The following SH3TC1 variants were observed in gnomAD, a reference collection of about 807,000 sequenced individuals.
SH3TC1 encodes the protein SH3 domain and tetratricopeptide repeats 1, also known as SH3 domain and tetratricopeptide repeat-containing protein 1.
In SH3TC1, 135 loss-of-function variants were observed where a neutral mutation model predicts 117.3. That is an observed-to-expected ratio of 1.15 (90% CI 1.00 to 1.33). The LOEUF is 1.33. SH3TC1 is among the 40% of genes most tolerant of loss of function. The pLI, the probability that SH3TC1 is intolerant of heterozygous loss-of-function variation, is 0.00. For synonymous variants in SH3TC1, 898 were observed against 816.9 expected (o/e 1.10, Z -1.69); for missense variants, 2,092 against 1,794.3 (o/e 1.17, Z -3.00).
intron 6 of SH3TC1, 97 bp downstream of exon 6, chr4:8,216,354 G>A: frequency 6.7e-7 from 1 of 1,499,250 alleles, no homozygotes; most frequent in Non-Finnish European, 8.9e-7. Context: ...GAGCATGTCT[G>A]GGGCTGTGGG....
At chr4:8,218,705 C>G (rs1255289956) in intron 8 of SH3TC1, among the ~76,000 whole-genome samples, 5 of 152,260 alleles carry the variant, frequency 3.3e-5, no homozygotes, top group Non-Finnish European at 5.9e-5. Context: ...GTCTAGCCTT[C>G]TGTCACCATG....
chr4:8,214,038 T>C (rs1718987218), intron 4 of SH3TC1, among the ~76,000 whole-genome samples: 1 of 152,012 alleles, frequency 6.6e-6, no homozygotes, highest in South Asian at 2.1e-4. Flanking sequence ...CACTGATTAA[T>C]AGAAATCAGA....
intron 9 of SH3TC1, among the ~76,000 whole-genome samples, chr4:8,219,800 T>C (rs1177612186): frequency 6.6e-6 from 1 of 152,236 alleles, no homozygotes; most frequent in East Asian, 1.9e-4. Flanking sequence ...GCTACCGTGA[T>C]AAGGCACTGC....
chr4:8,199,126 G>A (rs972666142), upstream of SH3TC1, among the ~76,000 whole-genome samples: 2 of 152,220 alleles, frequency 1.3e-5, no homozygotes, highest in Admixed American at 6.5e-5. Context: ...CCTGGACCTC[G>A]TCCAGGAAAG....
intron 9 of SH3TC1, 117 bp from the exon 10 acceptor site, chr4:8,222,723 C>T: frequency 7.8e-7 from 1 of 1,282,724 alleles, no homozygotes; most frequent in Non-Finnish European, 1.1e-6. Flanking sequence ...TACCCCTGGG[C>T]AGAGAGTAGT....
chr4:8,184,252 G>A (rs1717162013), intron 1 of SH3TC1, among the ~76,000 whole-genome samples: 1 of 152,202 alleles, frequency 6.6e-6, no homozygotes, highest in Admixed American at 6.5e-5. Flanking sequence ...CCAGCAATCT[G>A]TAACCGCCCA....
intron 7 of SH3TC1, among the ~76,000 whole-genome samples, chr4:8,217,738 T>C (rs1479650797): frequency 6.6e-6 from 1 of 152,244 alleles, no homozygotes; most frequent in Non-Finnish European, 1.5e-5. Context: ...CTATGTGCTC[T>C]GGCCAGTGGT....
intron 4 of SH3TC1, 89 bp downstream of exon 4, chr4:8,212,917 C>T: frequency 6.9e-7 from 1 of 1,445,006 alleles, no homozygotes; most frequent in Non-Finnish European, 9.2e-7. Flanking sequence ...ACTGGGGACA[C>T]AGGAGGCAGG....
In SH3TC1 at chr4:8,183,480, G is replaced by A. The variant is rs1398182550; in HGVS notation, c.-57+1270G>A. Among the ~76,000 whole-genome samples the A allele has an allele frequency of 2.0e-5, 3 of 152,204 alleles. No individual in the cohort carries two copies. The highest frequency in any genetic ancestry group is 2.1e-4 in the South Asian group (1 of 4,826). ...CGGGCTGGCCTGAGGCCCATGGCAA[G>A]CAGCCCCACCCAAGCAGGCGGCTCC... On this transcript the variant is annotated intron_variant, in intron 1 of 16. Coordinates refer to the SH3TC1 transcript ENST00000508641. This position sits in a 1 kb window ranked among gnomAD's most constrained non-coding sequence, Gnocchi z 5.4.
At chr4:8,233,593 G>C in intron 14 of SH3TC1, 80 bp downstream of exon 14, 2 of 1,453,654 alleles carry the variant, frequency 1.4e-6, no homozygotes, top group Non-Finnish European at 1.8e-6. Flanking sequence ...GATGATGATA[G>C]ATGATCCTTC....
chr4:8,222,954 C>T lies in SH3TC1; in HGVS notation c.1227C>T (p.Cys409=). Residue 409 remains cysteine, a synonymous_variant, in exon 10 of 18, where the codon TGC becomes TGT. Transcript: ENST00000245105. ...GGCGGATGTCGGGCACCGATGTCTG[C>T]AGCGTGTACAGCCTGGGTGCGTGTG... ...LLRRMSGTDV[C]SVYSLDSVEE... is the part of the protein sequence containing the mutation. 6.2e-7 allele frequency: 1 copy of T among 1,612,228 alleles called. No homozygotes were observed. Among genetic ancestry groups the T allele is most frequent in the Non-Finnish European group, 8.5e-7 (1 of 1,179,710 alleles).
chr4:8,228,019 C>T lies in SH3TC1; in HGVS notation c.2325C>T (p.Ser775=). 1 of 1,611,122 alleles carries T rather than the reference C, an allele frequency of 6.2e-7. No homozygotes were observed. The highest frequency in any genetic ancestry group is 8.5e-7 in the Non-Finnish European group (1 of 1,178,938). Residue 775 remains serine, a synonymous_variant, in exon 12 of 18, where the codon TCC becomes TCT. Coordinates refer to ENST00000245105, the MANE Select transcript of SH3TC1 (RefSeq NM_018986.5). ...TSHYLRQALA[S]LTPGTGQALR... is the part of the protein sequence containing the mutation. The stretch of plus-strand genomic sequence containing the variant: ...ACTACCTCAGGCAAGCGCTGGCCTC[C>T]CTGACCCCGGGCACAGGCCAGGCGC...
chr4:8,233,739 TCATC>T (rs1553808796), intron 14 of SH3TC1, among the ~76,000 whole-genome samples: 21 of 89,498 alleles, frequency 2.3e-4, no homozygotes, highest in African/African-American at 7.3e-4. Flanking sequence ...ATTCACCTGT[TCATC>T]CATCCATCCA....
rs1031945420 is a variant in SH3TC1, at chr4:8,183,299, G to A, written c.-57+1089G>A. On this transcript the variant is annotated intron_variant, in intron 1 of 16. Coordinates refer to the SH3TC1 transcript ENST00000508641. The surrounding 1 kb of genome is among the most constrained non-coding windows in gnomAD (Gnocchi z 5.4). The stretch of plus-strand genomic sequence containing the variant: ...GGTGGCAGGACTGGCTGAGGACCAC[G>A]GCAGGTCACGCCTGGGGCTAGGATG... Among the ~76,000 whole-genome samples the A allele has an allele frequency of 2.6e-5, 4 of 152,192 alleles. No individual in the cohort carries two copies. The highest frequency in any genetic ancestry group is 4.8e-5 in the African/African-American group (2 of 41,452).
rs1047663597 is a variant in SH3TC1, at chr4:8,183,230, G to A, written c.-57+1020G>A. Among the ~76,000 whole-genome samples the A allele has an allele frequency of 1.3e-5, 2 of 152,194 alleles. No individual in the cohort carries two copies. Among genetic ancestry groups the A allele is most frequent in the African/African-American group, 2.4e-5 (1 of 41,446 alleles). On this transcript the variant is annotated intron_variant, in intron 1 of 16. Coordinates refer to the SH3TC1 transcript ENST00000508641. This position sits in a 1 kb window ranked among gnomAD's most constrained non-coding sequence, Gnocchi z 5.4. Reference sequence around the variant, plus strand: ...AGTTCTGTTCACTACGAAGGAGCCCGTCCTCATCCTCCCCCTCGTTTACAG... The same window carrying A: ...AGTTCTGTTCACTACGAAGGAGCCCATCCTCATCCTCCCCCTCGTTTACAG...
intron 14 of SH3TC1, among the ~76,000 whole-genome samples, chr4:8,234,367 C>T (rs1054449494): frequency 2.6e-5 from 4 of 151,956 alleles, no homozygotes; most frequent in South Asian, 2.1e-4. Context: ...TCCATACATT[C>T]GTCTATCCAC....
At chr4:8,236,470 G>T (rs1038259246) in intron 16 of SH3TC1, 42 bp downstream of exon 16, 1 of 1,422,936 alleles carries the variant, frequency 7.0e-7, no homozygotes, top group Non-Finnish European at 9.2e-7. Context: ...CCCACACTTT[G>T]CCAGAGCTCA....
rs1456381767 is a variant in SH3TC1 at position 8,214,573 on chromosome 4, T to C, written c.474T>C (p.His158=). The C allele has an allele frequency of 3.1e-6, 5 of 1,613,754 alleles. No individual in the cohort carries two copies. In the South Asian group the frequency reaches 3.3e-5, roughly 11 times the overall value. The change falls in exon 5 of 18, where the codon CAT becomes CAC. Residue 158 remains histidine (H), a synonymous_variant. Coordinates refer to ENST00000245105, the MANE Select transcript of SH3TC1 (RefSeq NM_018986.5). ...FEEIWKFSTY[H]ALGFTHHCLA... Reference sequence around the variant, plus strand: ...AAATCTGGAAGTTTTCCACCTACCATGCTCTCGGTAAAGAGGTGACCCTCC... The same window carrying C: ...AAATCTGGAAGTTTTCCACCTACCACGCTCTCGGTAAAGAGGTGACCCTCC...
chr4:8,220,820 G>A (rs774907926), intron 9 of SH3TC1, among the ~76,000 whole-genome samples: 15 of 152,296 alleles, frequency 9.8e-5, no homozygotes, highest in Admixed American at 4.6e-4. Flanking sequence ...TCATGGAAAG[G>A]GTCCGTCTGC....
Sources: gnomAD v4.1 joint callset for allele counts (sites outside exome capture counted in the v4.1 genomes callset) on GRCh38, gnomAD v4.1.1 for gene constraint, Gnocchi (gnomAD v3.1) non-coding constraint, MANE v1.5 for transcripts, NCBI Gene and HGNC (gene_info 2026-07-23, HGNC 2026-07-21) for gene names.